Variants in DCC observed in about 807,000 individuals in gnomAD.
DCC encodes the protein netrin receptor DCC.
In DCC, 58 loss-of-function variants were observed where a neutral mutation model predicts 172.5. The ratio of observed to expected loss-of-function variants is 0.34; its 90% CI spans 0.27 to 0.42. The LOEUF is 0.42. Ranked by LOEUF, DCC falls within the 10% of genes least tolerant of loss-of-function variation. The probability of loss-of-function intolerance (pLI) is 1.00; values close to 1 mark genes in which losing one functional copy is unlikely to be tolerated. For synonymous variants in DCC, 709 were observed against 644.5 expected (o/e 1.10, Z -1.52); for missense variants, 1,740 against 1,791.0 (o/e 0.97, Z 0.51).
At chr18:52,455,113 A>G (rs1988419032) in intron 1 of DCC, among the ~76,000 whole-genome samples, 1 of 152,162 alleles carries the variant, frequency 6.6e-6, no homozygotes, top group Admixed American at 6.5e-5. Context: ...CATAATTCTT[A>G]TGTTTATTTT....
At chr18:53,307,943 AT>A (rs2057222367) in intron 13 of DCC, among the ~76,000 whole-genome samples, 3 of 116,496 alleles carry the variant, frequency 2.6e-5, no homozygotes, top group Non-Finnish European at 5.3e-5. Context: ...ATATATATAT[AT>A]ATATATGTAT....
At chr18:52,899,459 T>C (rs1283842263) in intron 2 of DCC, among the ~76,000 whole-genome samples, 1 of 148,114 alleles carries the variant, frequency 6.8e-6, no homozygotes, top group Admixed American at 6.9e-5. Context: ...GTTCAAGTGA[T>C]TCTCCTGCCT....
In DCC at chr18:53,450,682, C is replaced by T. The variant is rs948297883; in HGVS notation, c.3392+20C>T. The T allele has an allele frequency of 6.3e-7, 1 of 1,598,598 alleles. No homozygotes were observed. The highest frequency in any genetic ancestry group is 1.3e-5 in the African/African-American group (1 of 74,528). ...GAGAAAGTAGGTAACAGCTGGTTCC[C>T]AAGAGGAAAGAAGTCATTGTCTTTT... On this transcript the variant is annotated intron_variant, in intron 23 of 28. Coordinates refer to ENST00000442544, the MANE Select transcript of DCC (RefSeq NM_005215.4).
intron 1 of DCC, among the ~76,000 whole-genome samples, chr18:52,428,322 A>G (rs2144459033): frequency 6.6e-6 from 1 of 152,274 alleles, no homozygotes; most frequent in South Asian, 2.1e-4. Flanking sequence ...AAGCCTTCAG[A>G]GAGTGTGTCT....
intron 2 of DCC, among the ~76,000 whole-genome samples, chr18:52,897,110 G>C (rs1214716932): frequency 6.6e-6 from 1 of 152,152 alleles, no homozygotes; most frequent in Non-Finnish European, 1.5e-5. Flanking sequence ...CTGACTCTTG[G>C]TCATGGGGAT....
intron 9 of DCC, among the ~76,000 whole-genome samples, chr18:53,203,809 G>C (rs1377682105): frequency 6.6e-6 from 1 of 152,198 alleles, no homozygotes; most frequent in Non-Finnish European, 1.5e-5. Flanking sequence ...AAGTAAGGCT[G>C]TAGTTAAACC....
At chr18:52,735,723 C>A (rs1820183710) in intron 1 of DCC, among the ~76,000 whole-genome samples, 1 of 152,064 alleles carries the variant, frequency 6.6e-6, no homozygotes, top group East Asian at 1.9e-4. Flanking sequence ...TCTTTTTATG[C>A]TGGCAGCTGA....
intron 14 of DCC, among the ~76,000 whole-genome samples, chr18:53,338,037 A>T (rs1298324843): frequency 6.6e-6 from 1 of 152,240 alleles, no homozygotes; most frequent in Non-Finnish European, 1.5e-5. Context: ...GAACTGTGTT[A>T]AGCACTTATT....
intron 1 of DCC, among the ~76,000 whole-genome samples, chr18:52,747,360 T>G (rs953505662): frequency 2.6e-5 from 4 of 152,218 alleles, no homozygotes; most frequent in Non-Finnish European, 4.4e-5. Flanking sequence ...ATTGGACATC[T>G]TAAAAATAAA....
chr18:52,516,069 A>C (rs1027438595), intron 1 of DCC, among the ~76,000 whole-genome samples: 1 of 152,148 alleles, frequency 6.6e-6, no homozygotes, highest in Non-Finnish European at 1.5e-5. Flanking sequence ...TACACACCTA[A>C]CAGAATAAAA....
chr18:52,433,721 C>T (rs1987699783), intron 1 of DCC, among the ~76,000 whole-genome samples: 1 of 152,106 alleles, frequency 6.6e-6, no homozygotes, highest in Admixed American at 6.6e-5. Context: ...TCTGGATTCC[C>T]CTTTTTAAAT....
chr18:52,775,679 T>A (rs1311617228), intron 2 of DCC, among the ~76,000 whole-genome samples: 4 of 152,112 alleles, frequency 2.6e-5, no homozygotes, highest in Admixed American at 6.5e-5. Context: ...TCTGCCAGAG[T>A]GCTCCCTCAT....
chr18:53,232,679 C>T (rs879558201), intron 12 of DCC, among the ~76,000 whole-genome samples: 4 of 152,106 alleles, frequency 2.6e-5, no homozygotes, highest in Non-Finnish European at 4.4e-5. Flanking sequence ...CCGGCTAAAT[C>T]GAAAATGCTA....
chr18:53,363,516 A>G (rs10853629), intron 15 of DCC, among the ~76,000 whole-genome samples: 110,012 of 152,032 alleles, frequency 0.72, 40,084 homozygotes, highest in Non-Finnish European at 0.76. Context: ...GAATGTGCTC[A>G]TGTGGGAGCT....
At chr18:52,542,738 C>G (rs1463027075) in intron 1 of DCC, among the ~76,000 whole-genome samples, 7 of 152,012 alleles carry the variant, frequency 4.6e-5, no homozygotes, top group Non-Finnish European at 1.0e-4. Context: ...ACTCGAGAGG[C>G]TGAGGCAGGA....
intron 5 of DCC, among the ~76,000 whole-genome samples, chr18:53,062,756 A>T (rs957299259): frequency 6.6e-6 from 1 of 152,164 alleles, no homozygotes; most frequent in Non-Finnish European, 1.5e-5. Flanking sequence ...ACAGTAGATA[A>T]TTGCTAAGAC....
chr18:52,642,077 TATACACAC>T lies in DCC; in HGVS notation c.92-109975_92-109968del, dbSNP rs1444901725. ...GTGTGTGTGTGTATATATATATATA[TATACACAC>T]ACACACACACACTCACACACACATA... On this transcript the variant is annotated intron_variant, in intron 1 of 28. Coordinates refer to ENST00000442544, the MANE Select transcript of DCC (RefSeq NM_005215.4). Among the ~76,000 whole-genome samples, 739 of 121,612 alleles carry T rather than the reference TATACACAC, an allele frequency of 6.1e-3. 43 individuals are homozygous for T. Among genetic ancestry groups the T allele is most frequent in the African/African-American group, 0.025 (682 of 27,334 alleles). The allele number at this position is 121,612 out of a possible 152,430, so 79.8% of individuals were successfully genotyped here.
chr18:53,339,731 A>C lies in DCC; in HGVS notation c.2183A>C (p.Gln728Pro). 6.2e-7 allele frequency: 1 copy of C among 1,613,928 alleles called. No homozygotes were observed. The highest frequency in any genetic ancestry group is 1.3e-5 in the African/African-American group (1 of 75,006). Residue 728 changes from glutamine to proline, a missense_variant, in exon 15 of 29, where the codon CAA (glutamine) becomes CCA (proline). Transcript: ENST00000442544. ...ATGCTAGAATCTCAAGTTCCTGATC[A>C]ACCAAGCTCTCTTCATGTGAGGCCC... is the stretch of plus-strand genomic sequence containing the variant. ...NDLDESQVPD[Q>P]PSSLHVRPQT...
In DCC at chr18:52,409,360, G is replaced by C. The variant is rs187658740; in HGVS notation, c.91+68482G>C. The C allele has an allele frequency of 1.8e-4, 27 of 152,246 alleles. No homozygotes were observed. The East Asian group carries it at 4.6e-3, about 26-fold the overall frequency. The allele number at this position is 152,246 out of a possible 1,614,324, so 9.4% of individuals were successfully genotyped here. A position where few individuals can be genotyped will look rare whatever the true frequency, so the allele number is the denominator to read the frequency against. Reference sequence around the variant, plus strand: ...CACAATTCATCATAATAACTTGTGTGTATCTAAACTCTTATACATTGGTAG... The same window carrying C: ...CACAATTCATCATAATAACTTGTGTCTATCTAAACTCTTATACATTGGTAG... On this transcript the variant is annotated intron_variant, in intron 1 of 28. Coordinates refer to ENST00000442544, the MANE Select transcript of DCC (RefSeq NM_005215.4).
Sources: allele counts gnomAD v4.1 joint callset (sites outside exome capture counted in the v4.1 genomes callset), GRCh38; gene constraint gnomAD v4.1.1; transcripts MANE v1.5; gene names NCBI Gene and HGNC (gene_info 2026-07-23, HGNC 2026-07-21).